The following ADGRG2 variants were observed in gnomAD, a reference collection of about 807,000 sequenced individuals.
The protein encoded by ADGRG2 is adhesion G protein-coupled receptor G2.
In ADGRG2, 26 loss-of-function variants were observed where a neutral mutation model predicts 74.1. The observed-to-expected ratio is 0.35, with a 90% CI of 0.26 to 0.49. The LOEUF (loss-of-function observed/expected upper bound fraction) is 0.49, where lower values mean the gene tolerates loss of function less well. ADGRG2 is among the 20% of genes least tolerant of loss of function. ADGRG2 has a pLI of 0.99. For synonymous variants in ADGRG2, 296 were observed against 295.2 expected (o/e 1.00, Z -0.03); for missense variants, 619 against 763.1 (o/e 0.81, Z 2.22).
At chrX:19,115,445 T>A (rs2062493231) in intron 1 of ADGRG2, among the ~76,000 whole-genome samples, 1 of 111,843 alleles carries the variant, frequency 8.9e-6, no homozygotes, top group Non-Finnish European at 1.9e-5. Context: ...GATAAGGGAA[T>A]GGACCCTTCC....
intron 24 of ADGRG2, among the ~76,000 whole-genome samples, chrX:19,001,033 C>T (rs368480338): frequency 2.7e-5 from 3 of 111,492 alleles, no homozygotes; most frequent in African/African-American, 9.8e-5. Context: ...CTGCACCCAG[C>T]GTTGTGCCTT....
At chrX:18,993,477 G>A (rs1211518593) in intron 28 of ADGRG2, among the ~76,000 whole-genome samples, 4 of 106,915 alleles carry the variant, frequency 3.7e-5, no homozygotes, top group African/African-American at 1.4e-4. Context: ...GAGCCCAGGA[G>A]TTTGAGACCA....
intron 3 of ADGRG2, among the ~76,000 whole-genome samples, chrX:19,068,291 G>T (rs1462737708): frequency 2.7e-5 from 3 of 112,363 alleles, no homozygotes; most frequent in Non-Finnish European, 3.8e-5. Context: ...CTGTTAAAAA[G>T]AATGAAATTC....
At chrX:19,024,229 T>C in intron 11 of ADGRG2, among the ~76,000 whole-genome samples, 1 of 111,861 alleles carries the variant, frequency 8.9e-6, no homozygotes. Context: ...TACTGCAGCC[T>C]CAGGCAGCTT....
At chrX:19,005,712 C>T (rs985036798) in intron 22 of ADGRG2, among the ~76,000 whole-genome samples, 4 of 110,918 alleles carry the variant, frequency 3.6e-5, no homozygotes, top group Non-Finnish European at 7.6e-5. Context: ...CACCACCACA[C>T]CCAGCTAATT....
chrX:19,106,277 G>T (rs923683905), intron 1 of ADGRG2, among the ~76,000 whole-genome samples: 12 of 111,253 alleles, frequency 1.1e-4, no homozygotes, highest in Admixed American at 8.7e-4. Flanking sequence ...CAGCATGGAT[G>T]TGTAAAGAGG....
chrX:19,014,018 G>A lies in ADGRG2; in HGVS notation c.767C>T (p.Ser256Phe), dbSNP rs1218959557. 9 of 1,208,513 alleles carry A rather than the reference G, an allele frequency of 7.4e-6. No individual in the cohort carries two copies. Among genetic ancestry groups the A allele is most frequent in the Non-Finnish European group, 1.0e-5 (9 of 893,028 alleles). The change falls in exon 16 of 29, where the codon TCT (serine) becomes TTT (phenylalanine). Residue 256 changes from serine to phenylalanine, a missense_variant. Ser to Phe is a radical substitution (Grantham distance 155). Transcript: ENST00000379869. ...LADHPRGPPF[S>F]SSQSIPVVPR... ...CACCACTGGGATGGATTGGCTGGAA[G>A]AAAATGGTGGGCCACGTGGATGGTC... is the stretch of plus-strand genomic sequence containing the variant.
At chrX:19,104,928 A>G (rs1169490454) in intron 1 of ADGRG2, among the ~76,000 whole-genome samples, 1 of 101,578 alleles carries the variant, frequency 9.8e-6, no homozygotes, top group African/African-American at 3.6e-5. Context: ...AAAAAAAAAA[A>G]AAAAAAAAAA....
chrX:19,029,208 G>A (rs1243152658), intron 9 of ADGRG2, among the ~76,000 whole-genome samples: 4 of 111,378 alleles, frequency 3.6e-5, no homozygotes, highest in South Asian at 3.8e-4. Context: ...TCCACATATC[G>A]ATACTGAAAT....
chrX:19,083,868 G>A (rs1029458072), intron 1 of ADGRG2, among the ~76,000 whole-genome samples: 2 of 112,176 alleles, frequency 1.8e-5, no homozygotes, highest in Non-Finnish European at 3.8e-5. Context: ...GATAAGAAAC[G>A]ATCTCTAAGG....
chrX:19,059,367 T>G (rs2061449909), intron 3 of ADGRG2, among the ~76,000 whole-genome samples: 1 of 112,091 alleles, frequency 8.9e-6, no homozygotes, highest in African/African-American at 3.2e-5. Flanking sequence ...TTCTGGATCT[T>G]GGTACTGTTT....
chrX:19,020,928 C>G (rs186512670), intron 14 of ADGRG2, among the ~76,000 whole-genome samples, 176 bp downstream of exon 14: 1 of 108,132 alleles, frequency 9.2e-6, no homozygotes, highest in East Asian at 3.0e-4. Flanking sequence ...TGTCACTGAA[C>G]CTGGTGACAG....
At chrX:19,077,169 A>T (rs2061761842) in intron 2 of ADGRG2, among the ~76,000 whole-genome samples, 2 of 110,648 alleles carry the variant, frequency 1.8e-5, no homozygotes, top group South Asian at 7.7e-4. Flanking sequence ...AGCAACAAAG[A>T]ATGGTTAGGA....
intron 3 of ADGRG2, among the ~76,000 whole-genome samples, chrX:19,051,934 C>T (rs1330422721): frequency 8.9e-6 from 1 of 112,365 alleles, no homozygotes; most frequent in African/African-American, 3.2e-5. Context: ...AACTAAATGA[C>T]AGTTGTATTA....
chrX:19,069,135 C>T (rs1227147915), intron 2 of ADGRG2, among the ~76,000 whole-genome samples: 1 of 112,406 alleles, frequency 8.9e-6, no homozygotes, highest in Non-Finnish European at 1.9e-5. Context: ...CAAAATGTTA[C>T]ATCATTATTA....
chrX:19,019,547 GAT>G, intron 15 of ADGRG2, 50 bp downstream of exon 15: 1 of 564,367 alleles, frequency 1.8e-6, no homozygotes. Context: ...CTAGCATGGT[GAT>G]TTTTTTTTTT....
At chrX:18,993,216 G>T (rs1186367640) in intron 28 of ADGRG2, among the ~76,000 whole-genome samples, 1 of 111,422 alleles carries the variant, frequency 9.0e-6, no homozygotes, top group Non-Finnish European at 1.9e-5. Context: ...CAGTGTCTGG[G>T]GACATTTTGG....
rs772012904 is a variant in ADGRG2, at chrX:19,116,070, G to C, written c.-47+6372C>G. On this transcript the variant is annotated intron_variant, in intron 1 of 28. Transcript: ENST00000379869. Reference sequence around the variant, plus strand: ...ACAAAAACTTTTTAAAAATTAGCCAGGCATGGTGGGGCAAGCCTGTAGTGC... The same window carrying C: ...ACAAAAACTTTTTAAAAATTAGCCACGCATGGTGGGGCAAGCCTGTAGTGC... 6.7e-4 allele frequency among the ~76,000 whole-genome samples: 74 copies of C among 110,048 alleles called. 1 individual carries two copies. The highest frequency in any genetic ancestry group is 4.2e-3 in the Admixed American group (43 of 10,295).
chrX:19,066,350 G>A (rs2061567751), intron 3 of ADGRG2, among the ~76,000 whole-genome samples: 1 of 109,060 alleles, frequency 9.2e-6, no homozygotes, highest in Non-Finnish European at 1.9e-5. Context: ...CCTTGGTCCT[G>A]CCACCCACTT....
Sources: gnomAD v4.1 joint callset for allele counts (sites outside exome capture counted in the v4.1 genomes callset) on GRCh38, gnomAD v4.1.1 for gene constraint, MANE v1.5 for transcripts, NCBI Gene and HGNC (gene_info 2026-07-23, HGNC 2026-07-21) for gene names.